EPHA3: variants seen among roughly 807,000 people sequenced by gnomAD.
The protein encoded by EPHA3 is ephrin type-A receptor 3.
EPHA3 carries 42 observed loss-of-function variants against 107.1 expected under a neutral mutation model. The ratio of observed to expected loss-of-function variants is 0.39; its 90% CI spans 0.31 to 0.51. The LOEUF (loss-of-function observed/expected upper bound fraction) is 0.51. Ranked by LOEUF, EPHA3 falls within the 20% of genes least tolerant of loss-of-function variation. The probability of loss-of-function intolerance (pLI) is 0.78; values close to 1 mark genes in which losing one functional copy is unlikely to be tolerated. For synonymous variants in EPHA3, 461 were observed against 424.8 expected (o/e 1.09, Z -1.05); for missense variants, 1,183 against 1,211.2 (o/e 0.98, Z 0.35).
At chr3:89,264,259 G>T (rs941861386) in intron 3 of EPHA3, among the ~76,000 whole-genome samples, 1 of 152,090 alleles carries the variant, frequency 6.6e-6, no homozygotes, top group Non-Finnish European at 1.5e-5. Flanking sequence ...TATAGGATAG[G>T]CATTCTCATT....
At chr3:89,185,292 A>T (rs1705536734) in intron 2 of EPHA3, among the ~76,000 whole-genome samples, 1 of 152,028 alleles carries the variant, frequency 6.6e-6, no homozygotes, top group African/African-American at 2.4e-5. Flanking sequence ...AGAAAAAAAA[A>T]GTTTGGTGAC....
Position 89,399,254 on chromosome 3 carries a change from T to C in EPHA3, c.1432-64T>C, listed in dbSNP as rs113445628. The C allele has an allele frequency of 2.1e-3, 3,155 of 1,470,736 alleles. 60 individuals are homozygous for C. In the African/African-American group the frequency reaches 0.04, roughly 19 times the overall value. The allele number at this position is 1,470,736 out of a possible 1,614,324, so 91.1% of individuals were successfully genotyped here. ...AGAATCAGGTTTGAGTGGTTCACTG[T>C]TTATCATTTTATAGCATTATGAAGA... On this transcript the variant is annotated intron_variant, in intron 6 of 16. Transcript: ENST00000336596.
chr3:89,371,273 T>C (rs1708294345), intron 5 of EPHA3, among the ~76,000 whole-genome samples: 1 of 151,726 alleles, frequency 6.6e-6, no homozygotes, highest in Non-Finnish European at 1.5e-5. Flanking sequence ...AAAATTCTAC[T>C]TGAGCACATT....
At chr3:89,426,723 T>C (rs1709465420) in intron 11 of EPHA3, among the ~76,000 whole-genome samples, 1 of 151,836 alleles carries the variant, frequency 6.6e-6, no homozygotes, top group African/African-American at 2.4e-5. Context: ...GCCAATGATA[T>C]TGAGAGTTGG....
chr3:89,264,160 T>A (rs1319689738), intron 3 of EPHA3, among the ~76,000 whole-genome samples: 2 of 152,194 alleles, frequency 1.3e-5, no homozygotes, highest in African/African-American at 2.4e-5. Context: ...CTGGGTGTGA[T>A]CTATCCTGGG....
chr3:89,130,527 C>A (rs1397980867), intron 2 of EPHA3, among the ~76,000 whole-genome samples: 1 of 151,490 alleles, frequency 6.6e-6, no homozygotes, highest in Non-Finnish European at 1.5e-5. Flanking sequence ...CATATAATTT[C>A]TTTTCTATTT....
Position 89,345,631 on chromosome 3 carries a change from T to TA in EPHA3, c.1306+3542dup, listed in dbSNP as rs1430812541. Among the ~76,000 whole-genome samples, 5 of 150,130 alleles carry TA rather than the reference T, an allele frequency of 3.3e-5. 1 individual carries two copies. Among genetic ancestry groups the TA allele is most frequent in the East Asian group, 1.9e-4 (1 of 5,134 alleles). On this transcript the variant is annotated intron_variant, in intron 5 of 16. Coordinates refer to ENST00000336596, the MANE Select transcript of EPHA3 (RefSeq NM_005233.6). ...CTTTTTTTTTTTTCTTTTTTTTTTT[T>TA]ATACTTTAAGTTTTAGGGTACATGT... is the stretch of plus-strand genomic sequence containing the variant.
Position 89,385,576 on chromosome 3 carries a change from C to A in EPHA3, c.1307-10261C>A, listed in dbSNP as rs182099308. Among the ~76,000 whole-genome samples the A allele has an allele frequency of 3.2e-3, 492 of 152,252 alleles. 1 individual carries two copies. Among genetic ancestry groups the A allele is most frequent in the African/African-American group, 9.6e-3 (397 of 41,548 alleles). On this transcript the variant is annotated intron_variant, in intron 5 of 16. Transcript: ENST00000336596. ...TCCTGAAGAACTGTGAGTTGATTAA[C>A]CCACTTTCCTTTATAAATTACCCAG...
chr3:89,182,089 A>AT (rs1705455445), intron 2 of EPHA3, among the ~76,000 whole-genome samples: 1 of 148,154 alleles, frequency 6.7e-6, no homozygotes, highest in Non-Finnish European at 1.5e-5. Context: ...ATTTTCCTTT[A>AT]TTTTTCCCCT....
chr3:89,321,028 A>G (rs1158519623), intron 3 of EPHA3, among the ~76,000 whole-genome samples: 2 of 151,984 alleles, frequency 1.3e-5, no homozygotes, highest in Non-Finnish European at 2.9e-5. Flanking sequence ...CTCTCTCTAT[A>G]ACAAAGTTCA....
intron 2 of EPHA3, among the ~76,000 whole-genome samples, chr3:89,140,653 T>C (rs906169465): frequency 6.6e-6 from 1 of 151,764 alleles, no homozygotes; most frequent in African/African-American, 2.4e-5. Flanking sequence ...AATAAGTGAT[T>C]CTGATTCAAA....
At chr3:89,259,529 T>TAAA (rs1705366633) in intron 3 of EPHA3, among the ~76,000 whole-genome samples, 1 of 152,196 alleles carries the variant, frequency 6.6e-6, no homozygotes. Context: ...ATGCCATATT[T>TAAA]CAAGAGAATA....
At chr3:89,384,085 A>G (rs1225279840) in intron 5 of EPHA3, among the ~76,000 whole-genome samples, 1 of 152,216 alleles carries the variant, frequency 6.6e-6, no homozygotes. Flanking sequence ...ATCTATACTG[A>G]GATAAATGTG....
intron 3 of EPHA3, among the ~76,000 whole-genome samples, chr3:89,323,711 A>T (rs1450244937): frequency 6.6e-6 from 1 of 152,136 alleles, no homozygotes; most frequent in Non-Finnish European, 1.5e-5. Flanking sequence ...ATATTCTAAG[A>T]CAATGAATCG....
intron 3 of EPHA3, among the ~76,000 whole-genome samples, chr3:89,256,619 C>A (rs1376185852): frequency 4.7e-5 from 7 of 149,654 alleles, no homozygotes; most frequent in African/African-American, 1.7e-4. Context: ...AAATAAAATT[C>A]TATGGTCTAG....
At chr3:89,226,546 G>A (rs1394946056) in intron 3 of EPHA3, among the ~76,000 whole-genome samples, 4 of 152,030 alleles carry the variant, frequency 2.6e-5, no homozygotes, top group Non-Finnish European at 5.9e-5. Context: ...ATAACATACA[G>A]TATTTCTGCA....
At chr3:89,304,554 T>A (rs567764804) in intron 3 of EPHA3, among the ~76,000 whole-genome samples, 3 of 152,172 alleles carry the variant, frequency 2.0e-5, no homozygotes, top group Non-Finnish European at 4.4e-5. Context: ...CCAGGAACAG[T>A]CTTTTCCAGG....
At chr3:89,207,096 T>C (rs1381328963) in intron 2 of EPHA3, among the ~76,000 whole-genome samples, 2 of 152,186 alleles carry the variant, frequency 1.3e-5, no homozygotes, top group Non-Finnish European at 2.9e-5. Flanking sequence ...TAGAAGTTTT[T>C]AAACTGTGAT....
chr3:89,169,312 T>TCG (rs1705157890), intron 2 of EPHA3, among the ~76,000 whole-genome samples: 1 of 152,202 alleles, frequency 6.6e-6, no homozygotes, highest in Non-Finnish European at 1.5e-5. Context: ...TTATAGATAT[T>TCG]GTACATATTT....
Sources: gnomAD v4.1 joint callset for allele counts (sites outside exome capture counted in the v4.1 genomes callset) on GRCh38, gnomAD v4.1.1 for gene constraint, MANE v1.5 for transcripts, NCBI Gene and HGNC (gene_info 2026-07-23, HGNC 2026-07-21) for gene names.